Variants in IL1RAPL1 observed in about 807,000 individuals in gnomAD.
IL1RAPL1 encodes interleukin-1 receptor accessory protein-like 1.
A neutral mutation model predicts 48.4 loss-of-function variants in IL1RAPL1; 3 were observed. The ratio of observed to expected loss-of-function variants is 0.06; its 90% CI spans 0.03 to 0.16. The LOEUF (loss-of-function observed/expected upper bound fraction) is 0.16. IL1RAPL1 is among the 10% of genes least tolerant of loss of function. IL1RAPL1 has a pLI of 1.00. For missense variants in IL1RAPL1, 349 were observed against 530.6 expected, an observed-to-expected ratio of 0.66 and a Z score of 3.36; for synonymous variants, 185 against 187.7, an observed-to-expected ratio of 0.99 and a Z score of 0.12.
intron 5 of IL1RAPL1, among the ~76,000 whole-genome samples, chrX:29,620,432 G>A (rs868540389): frequency 2.1e-4 from 24 of 111,688 alleles, no homozygotes; most frequent in Non-Finnish European, 3.4e-4. Flanking sequence ...GTAGGCAGAT[G>A]TAATACAATG....
intron 6 of IL1RAPL1, among the ~76,000 whole-genome samples, chrX:29,693,289 GT>G (rs1926823343): frequency 8.9e-6 from 1 of 112,412 alleles, no homozygotes; most frequent in African/African-American, 3.2e-5. Context: ...TTCAACCGCT[GT>G]TGGATTAGGA....
intron 2 of IL1RAPL1, among the ~76,000 whole-genome samples, chrX:28,951,536 G>T (rs1207902967): frequency 7.3e-5 from 8 of 109,547 alleles, no homozygotes; most frequent in Non-Finnish European, 1.5e-4. Flanking sequence ...ATTTATAATT[G>T]TGAATATTAA....
chrX:29,937,414 A>G (rs193277270), intron 8 of IL1RAPL1, among the ~76,000 whole-genome samples: 3 of 112,258 alleles, frequency 2.7e-5, no homozygotes, highest in Admixed American at 9.5e-5. Context: ...AGTGGGCCCA[A>G]ATGATTTCTC....
intron 2 of IL1RAPL1, among the ~76,000 whole-genome samples, chrX:29,154,311 G>T (rs774617347): frequency 9.0e-6 from 1 of 111,296 alleles, no homozygotes; most frequent in African/African-American, 3.3e-5. Context: ...AGGCCGAGGC[G>T]GGTGGATCAC....
chrX:29,298,310 G>T (rs745933534), intron 3 of IL1RAPL1, among the ~76,000 whole-genome samples: 7 of 111,506 alleles, frequency 6.3e-5, no homozygotes, highest in Non-Finnish European at 1.3e-4. Flanking sequence ...TGAAGAGAAA[G>T]AACAAGGTGC....
At chrX:29,222,043 T>C (rs1602119755) in intron 2 of IL1RAPL1, among the ~76,000 whole-genome samples, 1 of 102,343 alleles carries the variant, frequency 9.8e-6, no homozygotes, top group African/African-American at 3.6e-5. Flanking sequence ...AACCTGCACA[T>C]GTATATATTT....
chrX:29,433,688 A>G (rs1279032865), intron 5 of IL1RAPL1, among the ~76,000 whole-genome samples: 3 of 111,495 alleles, frequency 2.7e-5, no homozygotes, highest in Non-Finnish European at 5.7e-5. Flanking sequence ...ACTTATAGAC[A>G]CAAAGTAAGT....
At chrX:29,307,144 A>G (rs1932638043) in intron 3 of IL1RAPL1, among the ~76,000 whole-genome samples, 2 of 111,122 alleles carry the variant, frequency 1.8e-5, no homozygotes, top group African/African-American at 3.3e-5. Context: ...TATTCAATCT[A>G]TCTGGAACCT....
intron 6 of IL1RAPL1, among the ~76,000 whole-genome samples, chrX:29,878,184 G>A (rs1478139272): frequency 9.0e-6 from 1 of 111,503 alleles, no homozygotes; most frequent in Non-Finnish European, 1.9e-5. Context: ...GGGTTAAGAG[G>A]TCTCAGGGAT....
intron 2 of IL1RAPL1, among the ~76,000 whole-genome samples, chrX:29,129,588 ATTTTTTT>A (rs754196116): frequency 5.0e-5 from 3 of 59,870 alleles, no homozygotes; most frequent in East Asian, 6.4e-4. Flanking sequence ...AATAATGTAA[ATTTTTTT>A]TTTTTTTTTT....
chrX:28,591,466 G>T (rs1387703295), intron 1 of IL1RAPL1, among the ~76,000 whole-genome samples: 1 of 112,049 alleles, frequency 8.9e-6, no homozygotes. Context: ...CAGATATGAT[G>T]TTTGGTGTTT....
At chrX:28,953,354 G>A (rs888267903) in intron 2 of IL1RAPL1, among the ~76,000 whole-genome samples, 2 of 111,393 alleles carry the variant, frequency 1.8e-5, no homozygotes, top group Non-Finnish European at 3.8e-5. Context: ...TGTATGGCAT[G>A]CAATTAAGCT....
intron 2 of IL1RAPL1, among the ~76,000 whole-genome samples, chrX:29,220,214 C>G (rs1008410297): frequency 1.4e-4 from 16 of 112,083 alleles, no homozygotes; most frequent in African/African-American, 5.2e-4. Flanking sequence ...ATCTTAAAGA[C>G]AGGTATTTTT....
intron 5 of IL1RAPL1, among the ~76,000 whole-genome samples, chrX:29,604,483 TGC>T (rs1028550193): frequency 3.2e-4 from 36 of 111,494 alleles, no homozygotes; most frequent in Admixed American, 3.2e-3. Context: ...CTGTCACTTA[TGC>T]TGGAGTGCAG....
chrX:29,884,388 TCCATGATACTCATCTTC>T (rs1932096114), intron 6 of IL1RAPL1, among the ~76,000 whole-genome samples: 1 of 110,795 alleles, frequency 9.0e-6, no homozygotes, highest in Non-Finnish European at 1.9e-5. Context: ...ACACCATTTC[TCCATGATACTCATCTTC>T]CCATGGCTCC....
At chrX:28,965,730 A>T (rs1429703625) in intron 2 of IL1RAPL1, among the ~76,000 whole-genome samples, 3 of 112,013 alleles carry the variant, frequency 2.7e-5, no homozygotes, top group Non-Finnish European at 5.6e-5. Context: ...TAATAAAGCA[A>T]TCTGTGCGCT....
chrX:29,418,128 T>A (rs1266344475), intron 5 of IL1RAPL1, among the ~76,000 whole-genome samples: 5 of 75,254 alleles, frequency 6.6e-5, no homozygotes, highest in Admixed American at 1.6e-4. Flanking sequence ...TATATATATT[T>A]TTTTTTTTTT....
chrX:29,508,105 T>C (rs749823474), intron 5 of IL1RAPL1, among the ~76,000 whole-genome samples: 1 of 112,085 alleles, frequency 8.9e-6, no homozygotes, highest in Non-Finnish European at 1.9e-5. Context: ...TACTGTTTTT[T>C]TTAATACTTA....
intron 2 of IL1RAPL1, among the ~76,000 whole-genome samples, chrX:28,989,201 G>A (rs1356221765): frequency 8.9e-6 from 1 of 112,255 alleles, no homozygotes; most frequent in African/African-American, 3.2e-5. Flanking sequence ...CAAAATTCTG[G>A]CCAGTGGAAC....
Sources: allele counts gnomAD v4.1 joint callset (sites outside exome capture counted in the v4.1 genomes callset), GRCh38; gene constraint gnomAD v4.1.1; transcripts MANE v1.5; gene names NCBI Gene and HGNC (gene_info 2026-07-23, HGNC 2026-07-21).